The following HS6ST3 variants were observed in gnomAD, a reference collection of about 807,000 sequenced individuals.
The protein encoded by HS6ST3 is heparan sulfate 6-O-sulfotransferase 3.
A neutral mutation model predicts 36.7 loss-of-function variants in HS6ST3; 12 were observed. The observed-to-expected ratio is 0.33, with a 90% confidence interval of 0.21 to 0.53. The LOEUF (loss-of-function observed/expected upper bound fraction) is 0.53, where lower values mean the gene tolerates loss of function less well. Ranked by LOEUF, HS6ST3 falls within the 20% of genes least tolerant of loss-of-function variation. The probability of loss-of-function intolerance (pLI) is 0.95; values close to 1 mark genes in which losing one functional copy is unlikely to be tolerated. For synonymous variants in HS6ST3, 240 were observed against 257.5 expected (o/e 0.93, Z 0.65); for missense variants, 584 against 640.9 (o/e 0.91, Z 0.96).
chr13:96,675,316 A>T (rs1388941704), intron 1 of HS6ST3, among the ~76,000 whole-genome samples: 1 of 152,150 alleles, frequency 6.6e-6, no homozygotes, highest in Non-Finnish European at 1.5e-5. Context: ...TATGTGACAT[A>T]TATATTTATA....
At chr13:96,544,509 A>C (rs2056189969) in intron 1 of HS6ST3, among the ~76,000 whole-genome samples, 1 of 152,206 alleles carries the variant, frequency 6.6e-6, no homozygotes, top group African/African-American at 2.4e-5. Flanking sequence ...AAGCTATTTA[A>C]CAAAAGAGTG....
At chr13:96,757,584 A>C (rs1876864667) in intron 1 of HS6ST3, among the ~76,000 whole-genome samples, 1 of 152,174 alleles carries the variant, frequency 6.6e-6, no homozygotes, top group Admixed American at 6.5e-5. Context: ...ATATTCTATC[A>C]CCAAATATGC....
At chr13:96,738,394 A>G (rs1226910011) in intron 1 of HS6ST3, among the ~76,000 whole-genome samples, 4 of 152,192 alleles carry the variant, frequency 2.6e-5, no homozygotes, top group Non-Finnish European at 5.9e-5. Flanking sequence ...GGTTAAAGAA[A>G]TTCTGATAAA....
chr13:96,108,910 C>T (rs2053855028), intron 1 of HS6ST3, among the ~76,000 whole-genome samples: 4 of 152,126 alleles, frequency 2.6e-5, no homozygotes. Context: ...AAGGAGGTCA[C>T]AGGGCAGCAT....
chr13:96,734,366 G>A (rs532924466), intron 1 of HS6ST3, among the ~76,000 whole-genome samples: 35 of 152,306 alleles, frequency 2.3e-4, no homozygotes, highest in Non-Finnish European at 4.7e-4. Context: ...CTAGCAGTGA[G>A]GTATGGTGAA....
chr13:96,325,303 C>A (rs567093970), intron 1 of HS6ST3, among the ~76,000 whole-genome samples: 1 of 152,212 alleles, frequency 6.6e-6, no homozygotes, highest in East Asian at 1.9e-4. Context: ...TAGTTTTACA[C>A]ACAGTTGACC....
chr13:96,833,179 G>C lies in HS6ST3; in HGVS notation c.1397G>C (p.Ser466Thr). The change falls in exon 2 of 2, where the codon AGC (serine) becomes ACC (threonine). Residue 466 changes from serine to threonine, a missense_variant. Coordinates refer to ENST00000376705, the MANE Select transcript of HS6ST3 (RefSeq NM_153456.4). ...AEGTVTEDYN[S>T]QVVRW Reference sequence around the variant, plus strand: ...GGGACTGTCACCGAGGACTACAACAGCCAGGTGGTGAGATGGTGACCTCCT... The same window carrying C: ...GGGACTGTCACCGAGGACTACAACACCCAGGTGGTGAGATGGTGACCTCCT... The C allele has an allele frequency of 3.8e-6, 6 of 1,569,464 alleles. No individual in the cohort carries two copies. Among genetic ancestry groups the C allele is most frequent in the Non-Finnish European group, 5.1e-6 (6 of 1,165,396 alleles).
rs114884218 is a variant in HS6ST3, at chr13:96,200,431, C to T, written c.707+108862C>T. On this transcript the variant is annotated intron_variant, in intron 1 of 1. Coordinates refer to ENST00000376705, the MANE Select transcript of HS6ST3 (RefSeq NM_153456.4). ...TTCCCTCTGCCTGGAAGGCTCCTCT[C>T]TTAGGTATTTTACATGGTTAATTCC... Among the ~76,000 whole-genome samples the T allele has an allele frequency of 9.7e-3, 1,472 of 152,250 alleles. 25 individuals are homozygous for T. The highest frequency in any genetic ancestry group is 0.034 in the African/African-American group (1,412 of 41,542).
intron 1 of HS6ST3, among the ~76,000 whole-genome samples, chr13:96,813,174 G>T (rs1484698692): frequency 6.6e-6 from 1 of 152,156 alleles, no homozygotes; most frequent in Non-Finnish European, 1.5e-5. Context: ...GGTTTACAAA[G>T]CCCACAGATA....
chr13:96,141,821 A>T (rs2054033293), intron 1 of HS6ST3, among the ~76,000 whole-genome samples: 1 of 152,158 alleles, frequency 6.6e-6, no homozygotes, highest in Non-Finnish European at 1.5e-5. Flanking sequence ...AGAATTGTCA[A>T]CACTATGGAA....
intron 1 of HS6ST3, among the ~76,000 whole-genome samples, chr13:96,166,852 G>A (rs2054163079): frequency 6.6e-6 from 1 of 152,064 alleles, no homozygotes; most frequent in Non-Finnish European, 1.5e-5. Context: ...GAATCATGGG[G>A]GTGGTTTCTG....
intron 1 of HS6ST3, among the ~76,000 whole-genome samples, chr13:96,253,050 G>C (rs2054615042): frequency 6.6e-6 from 1 of 152,162 alleles, no homozygotes; most frequent in African/African-American, 2.4e-5. Flanking sequence ...CGTGCTCAGA[G>C]ACATGTGAGG....
At position 96,316,257 on chromosome 13, in the gene HS6ST3, CTGTGTGTGTGTGTGTGTGTGTG is replaced by C. The variant is rs10534465; in HGVS notation, c.707+224710_707+224731del. The stretch of plus-strand genomic sequence containing the variant: ...GCATATACACATGCACTACATACAC[CTGTGTGTGTGTGTGTGTGTGTG>C]TGTGTGTGTGTGTGTGTGTGTATGT... On this transcript the variant is annotated intron_variant, in intron 1 of 1. Transcript: ENST00000376705. Among the ~76,000 whole-genome samples, 251 of 147,286 alleles carry C rather than the reference CTGTGTGTGTGTGTGTGTGTGTG, an allele frequency of 1.7e-3. 1 individual carries two copies. The highest frequency in any genetic ancestry group is 5.8e-3 in the African/African-American group (232 of 40,256).
At chr13:96,584,939 T>C (rs2056355203) in intron 1 of HS6ST3, among the ~76,000 whole-genome samples, 1 of 151,996 alleles carries the variant, frequency 6.6e-6, no homozygotes, top group Non-Finnish European at 1.5e-5. Flanking sequence ...TGGAGGGGAA[T>C]TGGGGAAGGG....
intron 1 of HS6ST3, among the ~76,000 whole-genome samples, chr13:96,206,922 C>G (rs1485950839): frequency 6.6e-6 from 1 of 151,998 alleles, no homozygotes; most frequent in Non-Finnish European, 1.5e-5. Context: ...GATGAAAAGG[C>G]CAAAAGCAAT....
intron 1 of HS6ST3, among the ~76,000 whole-genome samples, chr13:96,394,681 G>T (rs544013300): frequency 2.0e-4 from 31 of 152,286 alleles, no homozygotes; most frequent in South Asian, 1.5e-3. Flanking sequence ...AATAATCTTT[G>T]CAATAAAGAG....
chr13:96,498,079 G>A (rs1031139491), intron 1 of HS6ST3, among the ~76,000 whole-genome samples: 4 of 152,090 alleles, frequency 2.6e-5, no homozygotes, highest in African/African-American at 9.7e-5. Flanking sequence ...AATGATTTTG[G>A]GGGGATTTCA....
At chr13:96,348,279 C>T (rs1049713956) in intron 1 of HS6ST3, among the ~76,000 whole-genome samples, 51 of 152,162 alleles carry the variant, frequency 3.4e-4, no homozygotes, top group Non-Finnish European at 4.4e-5. Context: ...GAAGGTGTAA[C>T]ATTCAAAATT....
intron 1 of HS6ST3, among the ~76,000 whole-genome samples, chr13:96,580,856 T>C (rs938064231): frequency 6.6e-6 from 1 of 152,112 alleles, no homozygotes; most frequent in Non-Finnish European, 1.5e-5. Context: ...CCTTTAACAT[T>C]TAAATAATCA....
Sources: allele counts gnomAD v4.1 joint callset (sites outside exome capture counted in the v4.1 genomes callset), GRCh38; gene constraint gnomAD v4.1.1; transcripts MANE v1.5; gene names NCBI Gene and HGNC (gene_info 2026-07-23, HGNC 2026-07-21).